The following GOLGA6D variants were observed in gnomAD, a reference collection of about 807,000 sequenced individuals.
The protein encoded by GOLGA6D is golgin A6 family member D, also known as golgin subfamily A member 6D.
GOLGA6D carries 9 observed loss-of-function variants against 42.1 expected under a neutral mutation model. That is an observed-to-expected ratio of 0.21 (90% CI 0.13 to 0.37). GOLGA6D has a LOEUF of 0.37. Among genes scored for constraint, GOLGA6D ranks in the 10% least tolerant of loss-of-function variants. The pLI, the probability that GOLGA6D is intolerant of heterozygous loss-of-function variation, is 1.00. For missense variants in GOLGA6D, 87 were observed against 420.8 expected, an observed-to-expected ratio of 0.21 and a Z score of 6.94; for synonymous variants, 39 against 167.3, an observed-to-expected ratio of 0.23 and a Z score of 5.92.
At chr15:75,293,461 C>T (rs2070884027) in intron 14 of GOLGA6D, among the ~76,000 whole-genome samples, 1 of 146,078 alleles carries the variant, frequency 6.8e-6, no homozygotes, top group Admixed American at 6.7e-5. Context: ...CCAGGAGGAG[C>T]AGGCACGGCT....
At chr15:75,276,176 C>T in the GOLGA6D span, among the ~76,000 whole-genome samples, 4 of 151,858 alleles carry the variant, frequency 2.6e-5, no homozygotes, top group Middle Eastern at 3.4e-3. Context: ...TGGGGAAGAC[C>T]CACTTAGGGA....
chr15:75,293,944 G>A lies in GOLGA6D; in HGVS notation c.1726G>A (p.Gly576Arg), dbSNP rs1213309454. 2.0e-6 allele frequency: 3 copies of A among 1,466,522 alleles called. No individual in the cohort carries two copies. Among genetic ancestry groups the A allele is most frequent in the Admixed American group, 1.7e-5 (1 of 58,736 alleles). The allele number at this position is 1,466,522 out of a possible 1,614,324, so 90.8% of individuals were successfully genotyped here. Residue 576 changes from glycine to arginine, a missense_variant, in exon 16 of 18, where the codon GGG becomes AGG. Coordinates refer to ENST00000434739, the MANE Select transcript of GOLGA6D (RefSeq NM_001145224.3). ...RESFTVYESQ[G>R]AVPNTRHQEM... ...GTCCTTCACCGTATATGAAAGCCAG[G>A]GGGCAGTGCCAAACACGCGGCACCA...
upstream of GOLGA6D, among the ~76,000 whole-genome samples, chr15:75,277,839 G>A (rs542299105): frequency 0.012 from 1,818 of 149,622 alleles, 2 homozygotes; most frequent in Non-Finnish European, 0.02. Context: ...GGTTTTCTGG[G>A]TGAAACCTCT....
chr15:75,277,714 C>T, the GOLGA6D span, among the ~76,000 whole-genome samples: 21 of 140,040 alleles, frequency 1.5e-4, no homozygotes, highest in South Asian at 2.3e-4. Context: ...CCCAGCTACT[C>T]GGGAGGCTGA....
chr15:75,295,222 AGT>A lies in GOLGA6D; in HGVS notation c.*752_*753del, dbSNP rs1462458273. On this transcript the variant is annotated 3_prime_UTR_variant, in exon 18 of 18. Transcript: ENST00000434739. The stretch of plus-strand genomic sequence containing the variant: ...GCTCTGGCAGGTGTGTGCAGGATAG[AGT>A]GTGTTTCATTTGTTCTGGTGCCAAG... 6.7e-6 allele frequency: 1 copy of A among 149,572 alleles called. No homozygotes were observed. The allele number at this position is 149,572 out of a possible 1,614,324, so 9.3% of individuals were successfully genotyped here.
chr15:75,276,264 T>G, the GOLGA6D span, among the ~76,000 whole-genome samples: 1 of 151,684 alleles, frequency 6.6e-6, no homozygotes, highest in African/African-American at 2.4e-5. Flanking sequence ...CCCCCTCTGC[T>G]GTCCTGCAGG....
intron 14 of GOLGA6D, among the ~76,000 whole-genome samples, chr15:75,293,511 C>A (rs1310915525): frequency 1.4e-5 from 2 of 144,754 alleles, no homozygotes; most frequent in East Asian, 2.1e-4. Context: ...GCTGCCTGCA[C>A]CTGGCTCATC....
At chr15:75,278,749 C>A (rs2070836728), upstream of GOLGA6D, among the ~76,000 whole-genome samples, 2 of 151,846 alleles carry the variant, frequency 1.3e-5, no homozygotes, top group Admixed American at 1.3e-4. Context: ...TTGAGAGATT[C>A]CCTGGTCCAG....
chr15:75,277,277 A>AG, the GOLGA6D span, among the ~76,000 whole-genome samples: 2 of 87,014 alleles, frequency 2.3e-5, 1 homozygote, highest in Non-Finnish European at 5.0e-5. Context: ...AGGGGGCTGC[A>AG]GGGGTCAGCC....
At position 75,294,411 on chromosome 15, in the gene GOLGA6D, C is replaced by A. The variant is rs1467812074; in HGVS notation, c.2018C>A (p.Ser673Tyr). The A allele has an allele frequency of 1.3e-6, 2 of 1,598,298 alleles. No individual in the cohort carries two copies. Among genetic ancestry groups the A allele is most frequent in the East Asian group, 4.5e-5 (2 of 44,744 alleles). The change falls in exon 18 of 18, where the codon TCT becomes TAT. Residue 673 changes from serine to tyrosine, a missense_variant. By Grantham distance (144) the Ser-to-Tyr change is moderately radical (BLOSUM62 -2). Coordinates refer to ENST00000434739, the MANE Select transcript of GOLGA6D (RefSeq NM_001145224.3). ...GCACCAGGAGTGGCCAGGGAGGGTTCTCCCCATAACAACCCCACTGTACAG... is the reference window on the plus strand; with the variant it reads ...GCACCAGGAGTGGCCAGGGAGGGTTATCCCCATAACAACCCCACTGTACAG... ...EPAPGVAREG[S>Y]PHNNPTVQQI...
In GOLGA6D at chr15:75,294,384, C is replaced by T; in HGVS notation, c.1991C>T (p.Pro664Leu). 1 of 1,598,632 alleles carries T rather than the reference C, an allele frequency of 6.3e-7. No homozygotes were observed. The highest frequency in any genetic ancestry group is 8.5e-7 in the Non-Finnish European group (1 of 1,177,864). ...GTGAGCCTGGACAACAACGTGGAGCCTGCACCAGGAGTGGCCAGGGAGGGT... is the reference window on the plus strand; with the variant it reads ...GTGAGCCTGGACAACAACGTGGAGCTTGCACCAGGAGTGGCCAGGGAGGGT... Reference protein sequence around the residue: ...YEVSLDNNVEPAPGVAREGSP... With the variant: ...YEVSLDNNVELAPGVAREGSP... Residue 664 changes from proline to leucine, a missense_variant, in exon 18 of 18, where the codon CCT becomes CTT. Physicochemically the swap from Pro to Leu is moderately conservative, Grantham distance 98. Coordinates refer to ENST00000434739, the MANE Select transcript of GOLGA6D (RefSeq NM_001145224.3).
At chr15:75,280,879 TA>T (rs1447336739), upstream of GOLGA6D, among the ~76,000 whole-genome samples, 2 of 141,872 alleles carry the variant, frequency 1.4e-5, no homozygotes, top group Non-Finnish European at 3.0e-5. Flanking sequence ...AGTAATACAG[TA>T]AAACTTTGCC....
chr15:75,277,776 T>G, the GOLGA6D span, among the ~76,000 whole-genome samples: 1 of 149,864 alleles, frequency 6.7e-6, no homozygotes, highest in South Asian at 2.1e-4. Context: ...CACTGCAGCC[T>G]GGGCGACAGA....
intron 7 of GOLGA6D, among the ~76,000 whole-genome samples, chr15:75,288,752 T>C (rs1452596478): frequency 5.3e-5 from 7 of 132,034 alleles, no homozygotes; most frequent in African/African-American, 2.1e-4. Context: ...TGTGTGTGTG[T>C]ACTATGATAA....
At chr15:75,294,291 G>C (rs2070892679) in intron 17 of GOLGA6D, 30 bp downstream of exon 17, 1 of 1,526,404 alleles carries the variant, frequency 6.6e-7, no homozygotes, top group Non-Finnish European at 8.8e-7. Flanking sequence ...GGGGTGGGCA[G>C]GCAGGGGCAG....
At chr15:75,286,132 C>G (rs1167356198) in intron 2 of GOLGA6D, among the ~76,000 whole-genome samples, 1 of 39,030 alleles carries the variant, frequency 2.6e-5, no homozygotes, top group Non-Finnish European at 4.1e-5. Context: ...GAGTCTCACT[C>G]TGTCACTCAG....
rs371244264 is a variant in GOLGA6D, at chr15:75,294,346, A to C, written c.1955-2A>C. 23 of 1,594,204 alleles carry C rather than the reference A, an allele frequency of 1.4e-5. 3 individuals carry two copies. Among genetic ancestry groups the C allele is most frequent in the East Asian group, 9.0e-5 (4 of 44,448 alleles). ...CAGACCCCCGCCTCCCTCTCTCCGAAGTTTTTTATGAAGTGAGCCTGGACA... is the reference window on the plus strand; with the variant it reads ...CAGACCCCCGCCTCCCTCTCTCCGACGTTTTTTATGAAGTGAGCCTGGACA... On this transcript the variant is annotated splice_acceptor_variant, in intron 17 of 17. Transcript: ENST00000434739. LOFTEE classifies it high-confidence loss of function.
At chr15:75,278,756 C>T (rs1402843127), upstream of GOLGA6D, among the ~76,000 whole-genome samples, 2 of 151,830 alleles carry the variant, frequency 1.3e-5, no homozygotes, top group African/African-American at 2.4e-5. Context: ...ATTCCCTGGT[C>T]CAGTCTGGGG....
chr15:75,294,715 G>A lies in GOLGA6D; in HGVS notation c.*240G>A. 2.1e-6 allele frequency: 1 copy of A among 469,934 alleles called. No homozygotes were observed. Among genetic ancestry groups the A allele is most frequent in the Non-Finnish European group, 3.6e-6 (1 of 279,412 alleles). The allele number at this position is 469,934 out of a possible 1,614,324, so 29.1% of individuals were successfully genotyped here. Reference sequence around the variant, plus strand: ...TAAATTTATTTGTAAAAAGTTAAGGGAGAGTTGGTCTTTCCCTGATGTTCT... The same window carrying A: ...TAAATTTATTTGTAAAAAGTTAAGGAAGAGTTGGTCTTTCCCTGATGTTCT... On this transcript the variant is annotated 3_prime_UTR_variant, in exon 18 of 18. Transcript: ENST00000434739.
Sources: allele counts gnomAD v4.1 joint callset (sites outside exome capture counted in the v4.1 genomes callset), GRCh38; gene constraint gnomAD v4.1.1; transcripts MANE v1.5; gene names NCBI Gene and HGNC (gene_info 2026-07-23, HGNC 2026-07-21).